Variants in HSD17B12 observed in about 807,000 individuals in gnomAD.
HSD17B12 encodes the protein very-long-chain 3-oxoacyl-CoA reductase.
HSD17B12 carries 32 observed loss-of-function variants against 39.3 expected under a neutral mutation model. The observed-to-expected ratio is 0.81, with a 90% CI of 0.61 to 1.09. The LOEUF is 1.09. HSD17B12 is among the 50% of genes least tolerant of loss of function. HSD17B12 has a pLI of 0.00. For missense variants in HSD17B12, 342 were observed against 382.9 expected, an observed-to-expected ratio of 0.89 and a Z score of 0.89; for synonymous variants, 150 against 146.7, an observed-to-expected ratio of 1.02 and a Z score of -0.16.
At chr11:43,718,549 C>T (rs1950146869) in intron 1 of HSD17B12, 2 of 402,878 alleles carry the variant, frequency 5.0e-6, no homozygotes, top group South Asian at 2.9e-5. Flanking sequence ...GTAGTAGATG[C>T]TCTCATTTAA....
Position 43,816,404 on chromosome 11 carries a change from G to A in HSD17B12, c.501+13G>A. 6.6e-7 allele frequency: 1 copy of A among 1,513,816 alleles called. No individual in the cohort carries two copies. Among genetic ancestry groups the A allele is most frequent in the Non-Finnish European group, 8.9e-7 (1 of 1,122,160 alleles). 93.8% of individuals were successfully genotyped at this position (1,513,816 alleles called of 1,614,324 possible). ...TTCTGTTTGTAAGGTAAGCATCCTT[G>A]TTATAAAGATGTCATCCTTTTTTGG... On this transcript the variant is annotated intron_variant, in intron 6 of 10. Coordinates refer to ENST00000278353, the MANE Select transcript of HSD17B12 (RefSeq NM_016142.3).
intron 9 of HSD17B12, among the ~76,000 whole-genome samples, chr11:43,850,251 T>G (rs985740882): frequency 5.8e-4 from 89 of 152,276 alleles, no homozygotes; most frequent in African/African-American, 2.1e-3. Context: ...TAATACGCAC[T>G]CCAAAACTAT....
At chr11:43,725,559 T>C (rs1407048685) in intron 1 of HSD17B12, among the ~76,000 whole-genome samples, 1 of 152,182 alleles carries the variant, frequency 6.6e-6, no homozygotes, top group African/African-American at 2.4e-5. Flanking sequence ...ATAGGCCAGA[T>C]TGAATATTAA....
rs904281977 is a variant in HSD17B12 at position 43,753,937 on chromosome 11, A to G, written c.208-109A>G. The G allele has an allele frequency of 3.9e-5, 24 of 619,316 alleles. 1 individual carries two copies. In the Admixed American group the frequency reaches 6.8e-4, roughly 18 times the overall value. 38.4% of individuals were successfully genotyped at this position (619,316 alleles called of 1,614,324 possible). ...TTATGTCTTCATTACACTTGGGTTTATATTTTGAACTATCATCTGGACAGG... is the reference window on the plus strand; with the variant it reads ...TTATGTCTTCATTACACTTGGGTTTGTATTTTGAACTATCATCTGGACAGG... On this transcript the variant is annotated intron_variant, in intron 2 of 10. Coordinates refer to ENST00000278353, the MANE Select transcript of HSD17B12 (RefSeq NM_016142.3).
intron 5 of HSD17B12, among the ~76,000 whole-genome samples, 161 bp downstream of exon 5, chr11:43,815,662 C>T (rs553635950): frequency 8.1e-4 from 123 of 152,270 alleles, no homozygotes; most frequent in African/African-American, 2.9e-3. Flanking sequence ...CATACTTAGT[C>T]TCAGTTTCCT....
chr11:43,808,646 A>G (rs1334010758), intron 4 of HSD17B12, among the ~76,000 whole-genome samples: 3 of 152,160 alleles, frequency 2.0e-5, no homozygotes, highest in Non-Finnish European at 4.4e-5. Flanking sequence ...AATCTTACCT[A>G]GTTTTGTAAT....
intron 1 of HSD17B12, among the ~76,000 whole-genome samples, chr11:43,726,101 A>G (rs1224580049): frequency 6.6e-6 from 1 of 152,240 alleles, no homozygotes; most frequent in Admixed American, 6.5e-5. Context: ...TAATGATAAT[A>G]AAAGCATATG....
the HSD17B12 span, among the ~76,000 whole-genome samples, chr11:43,666,532 C>G: frequency 6.6e-6 from 1 of 152,104 alleles, no homozygotes; most frequent in Non-Finnish European, 1.5e-5. Context: ...TTTGTAGAGA[C>G]AGCATCTCAC....
chr11:43,599,683 G>A, the HSD17B12 span, among the ~76,000 whole-genome samples: 2 of 152,062 alleles, frequency 1.3e-5, no homozygotes, highest in African/African-American at 4.8e-5. Context: ...TTTAAAGATA[G>A]TTTATGCTTT....
chr11:43,736,540 C>T (rs1201031605), intron 1 of HSD17B12, among the ~76,000 whole-genome samples: 1 of 152,124 alleles, frequency 6.6e-6, no homozygotes, highest in Non-Finnish European at 1.5e-5. Flanking sequence ...CTATAATAAT[C>T]TACTGTTCTT....
At chr11:43,826,081 C>CTTT (rs71481435) in intron 6 of HSD17B12, among the ~76,000 whole-genome samples, 148 of 75,252 alleles carry the variant, frequency 2.0e-3, no homozygotes, top group African/African-American at 5.8e-3. Flanking sequence ...CTTTTTTTTT[C>CTTT]TTTTTTTTTT....
At chr11:43,682,778 T>C (rs1436349018) in intron 1 of HSD17B12, among the ~76,000 whole-genome samples, 3 of 126,114 alleles carry the variant, frequency 2.4e-5, no homozygotes, top group Non-Finnish European at 5.3e-5. Context: ...ACTTGTTGTT[T>C]TCTTTTCTTT....
chr11:43,850,298 A>G (rs1951518182), intron 9 of HSD17B12, among the ~76,000 whole-genome samples: 1 of 152,224 alleles, frequency 6.6e-6, no homozygotes, highest in Non-Finnish European at 1.5e-5. Context: ...TTTGTATACC[A>G]GATCCTGAAA....
intron 1 of HSD17B12, among the ~76,000 whole-genome samples, chr11:43,722,934 A>AAAT (rs1015318934): frequency 6.6e-6 from 1 of 152,194 alleles, no homozygotes; most frequent in Non-Finnish European, 1.5e-5. Flanking sequence ...GATGTCATTT[A>AAAT]CTTTTTGCAA....
chr11:43,851,344 T>C (rs1951528725), intron 9 of HSD17B12, among the ~76,000 whole-genome samples: 1 of 152,220 alleles, frequency 6.6e-6, no homozygotes, highest in African/African-American at 2.4e-5. Flanking sequence ...CTTCTTGACC[T>C]GTTTCCCATA....
intron 3 of HSD17B12, among the ~76,000 whole-genome samples, chr11:43,754,623 A>C (rs1430890374): frequency 6.6e-6 from 1 of 152,168 alleles, no homozygotes; most frequent in Non-Finnish European, 1.5e-5. Context: ...TTTTAGGGTG[A>C]TTGTAATTTG....
chr11:43,647,535 G>A, the HSD17B12 span, among the ~76,000 whole-genome samples: 1 of 148,552 alleles, frequency 6.7e-6, no homozygotes, highest in African/African-American at 2.5e-5. Flanking sequence ...GCCTCCCAAA[G>A]GGCTGAGATT....
At chr11:43,790,139 G>A (rs192067913) in intron 3 of HSD17B12, among the ~76,000 whole-genome samples, 1 of 152,220 alleles carries the variant, frequency 6.6e-6, no homozygotes, top group Non-Finnish European at 1.5e-5. Context: ...GAACTAAAAT[G>A]TACACCTTGG....
At chr11:43,584,988 T>C in the HSD17B12 span, among the ~76,000 whole-genome samples, 1 of 152,182 alleles carries the variant, frequency 6.6e-6, no homozygotes, top group Non-Finnish European at 1.5e-5. Flanking sequence ...TAGGCCCTAT[T>C]CAATGGGGCC....
Sources: gnomAD v4.1 joint callset for allele counts (sites outside exome capture counted in the v4.1 genomes callset) on GRCh38, gnomAD v4.1.1 for gene constraint, MANE v1.5 for transcripts, NCBI Gene and HGNC (gene_info 2026-07-23, HGNC 2026-07-21) for gene names.